Variants in SNCAIP observed in about 807,000 individuals in gnomAD.
SNCAIP encodes synphilin-1.
Under a neutral mutation model 86.7 loss-of-function variants are expected in SNCAIP, and 43 were observed. The ratio of observed to expected loss-of-function variants is 0.50; its 90% CI spans 0.39 to 0.64. SNCAIP has a LOEUF of 0.64. Among genes scored for constraint, SNCAIP ranks in the 30% least tolerant of loss-of-function variants. SNCAIP has a pLI of 0.00. For synonymous variants in SNCAIP, 417 were observed against 427.2 expected (o/e 0.98, Z 0.29); for missense variants, 981 against 1,103.1 (o/e 0.89, Z 1.57).
In SNCAIP at chr5:122,451,264, G is replaced by A. The variant is rs140850272; in HGVS notation, c.2417G>A (p.Arg806His). ...KSALKSPSSKRRTSQNLKLRV... is the reference protein window; with the variant it reads ...KSALKSPSSKHRTSQNLKLRV... Reference sequence around the variant, plus strand: ...GCCCTCAAGTCTCCATCTTCCAAGCGTAGGACATCTCAGAACTTAAAACTG... The same window carrying A: ...GCCCTCAAGTCTCCATCTTCCAAGCATAGGACATCTCAGAACTTAAAACTG... The change falls in exon 10 of 11, where the codon CGT (arginine) becomes CAT (histidine). Residue 806 changes from arginine to histidine, a missense_variant. Coordinates refer to ENST00000261368, the MANE Select transcript of SNCAIP (RefSeq NM_005460.4). The A allele has an allele frequency of 0.013, 20,795 of 1,614,088 alleles. 158 individuals carry two copies. The highest frequency in any genetic ancestry group is 0.015 in the Non-Finnish European group (18,171 of 1,179,988).
chr5:122,411,825 C>T (rs951659673), intron 3 of SNCAIP, among the ~76,000 whole-genome samples: 1 of 152,174 alleles, frequency 6.6e-6, no homozygotes, highest in South Asian at 2.1e-4. Context: ...CGTTTATGCA[C>T]ATTCAAGTTT....
chr5:122,326,272 T>C (rs1203164010), intron 1 of SNCAIP, among the ~76,000 whole-genome samples: 1 of 152,204 alleles, frequency 6.6e-6, no homozygotes, highest in Non-Finnish European at 1.5e-5. Context: ...AGTAGGTTTT[T>C]CTACTCATAC....
chr5:122,351,033 G>A (rs1228860528), intron 1 of SNCAIP, among the ~76,000 whole-genome samples: 1 of 152,132 alleles, frequency 6.6e-6, no homozygotes, highest in Non-Finnish European at 1.5e-5. Flanking sequence ...CAATTACTAT[G>A]ACCCAGATCT....
chr5:122,323,875 C>CA (rs1261189161), intron 1 of SNCAIP, among the ~76,000 whole-genome samples: 1 of 152,178 alleles, frequency 6.6e-6, no homozygotes, highest in Admixed American at 6.5e-5. Context: ...CTCCCCCCTC[C>CA]AATCCCCTCC....
intron 6 of SNCAIP, chr5:122,436,866 A>G (rs1252393934): frequency 1.3e-5 from 2 of 152,186 alleles, no homozygotes; most frequent in African/African-American, 4.8e-5. Flanking sequence ...TACAACATTA[A>G]AACAGGTTAC....
At chr5:122,333,168 G>A (rs1022478650) in intron 1 of SNCAIP, among the ~76,000 whole-genome samples, 3 of 152,208 alleles carry the variant, frequency 2.0e-5, no homozygotes, top group Admixed American at 2.0e-4. Context: ...ATTGTAAAAT[G>A]AGCTTCCCAG....
At chr5:122,324,306 G>C (rs551282743) in intron 1 of SNCAIP, among the ~76,000 whole-genome samples, 1 of 152,184 alleles carries the variant, frequency 6.6e-6, no homozygotes, top group Non-Finnish European at 1.5e-5. Flanking sequence ...AATTAGGGAA[G>C]GGTCCTGCTG....
intron 1 of SNCAIP, among the ~76,000 whole-genome samples, chr5:122,390,832 A>C (rs1469857732): frequency 3.3e-5 from 5 of 152,136 alleles, no homozygotes; most frequent in African/African-American, 1.2e-4. Flanking sequence ...TGCTCTGGCA[A>C]AGACAAACAG....
At position 122,463,539 on chromosome 5, in the gene SNCAIP, C is replaced by T. The variant is rs1347491610; in HGVS notation, c.*43C>T. On this transcript the variant is annotated 3_prime_UTR_variant, in exon 11 of 11. Coordinates refer to ENST00000261368, the MANE Select transcript of SNCAIP (RefSeq NM_005460.4). ...TGAAGAAATCCTACAGCATAAAGCA[C>T]ATTGCTGAGCCAGAGTCAAAAGAAC... The T allele has an allele frequency of 2.5e-6, 4 of 1,606,916 alleles. No homozygotes were observed. Among genetic ancestry groups the T allele is most frequent in the Admixed American group, 1.7e-5 (1 of 59,796 alleles).
At chr5:122,363,889 C>T (rs909030787) in intron 1 of SNCAIP, among the ~76,000 whole-genome samples, 8 of 151,822 alleles carry the variant, frequency 5.3e-5, no homozygotes, top group Non-Finnish European at 1.2e-4. Flanking sequence ...GTTATGCAAT[C>T]GTAGTTCACT....
intron 1 of SNCAIP, among the ~76,000 whole-genome samples, chr5:122,370,512 C>T (rs1764074097): frequency 6.6e-6 from 1 of 152,114 alleles, no homozygotes; most frequent in Admixed American, 6.6e-5. Flanking sequence ...GAATCCAGGC[C>T]ATGCTGAGCA....
intron 1 of SNCAIP, among the ~76,000 whole-genome samples, chr5:122,352,259 A>C (rs1760021490): frequency 6.6e-6 from 1 of 152,146 alleles, no homozygotes; most frequent in Non-Finnish European, 1.5e-5. Context: ...ATTTGTTACA[A>C]AGTTTCCCGT....
rs186105478 is a variant in SNCAIP at position 122,380,148 on chromosome 5, C to T, written c.-46-10941C>T. On this transcript the variant is annotated intron_variant, in intron 1 of 10. Transcript: ENST00000261368. ...GCCTCCTTGTACCTCTGGTAGAATTCGGCTGTGAATCCATCTGGTCCTGTA... is the reference window on the plus strand; with the variant it reads ...GCCTCCTTGTACCTCTGGTAGAATTTGGCTGTGAATCCATCTGGTCCTGTA... Among the ~76,000 whole-genome samples the T allele has an allele frequency of 1.8e-3, 280 of 152,182 alleles. 3 individuals are homozygous for T. Among genetic ancestry groups the T allele is most frequent in the African/African-American group, 6.4e-3 (266 of 41,514 alleles).
At chr5:122,388,399 A>T (rs1373697245) in intron 1 of SNCAIP, among the ~76,000 whole-genome samples, 1 of 152,154 alleles carries the variant, frequency 6.6e-6, no homozygotes, top group African/African-American at 2.4e-5. Flanking sequence ...GTCTGAAAGA[A>T]GGCTTATTGG....
At chr5:122,374,452 A>G (rs1764881630) in intron 1 of SNCAIP, among the ~76,000 whole-genome samples, 1 of 152,176 alleles carries the variant, frequency 6.6e-6, no homozygotes, top group South Asian at 2.1e-4. Flanking sequence ...ACCACAGCCT[A>G]CAAATGTTAT....
chr5:122,450,451 G>A, intron 9 of SNCAIP, 82 bp from the exon 10 acceptor site: 1 of 909,784 alleles, frequency 1.1e-6, no homozygotes. Flanking sequence ...TACATTATTA[G>A]TGTCAGTAAA....
intron 10 of SNCAIP, among the ~76,000 whole-genome samples, chr5:122,459,887 C>T (rs1282212533): frequency 6.6e-6 from 1 of 152,058 alleles, no homozygotes; most frequent in African/African-American, 2.4e-5. Context: ...TTTGAATCGA[C>T]CATTCACTTT....
intron 1 of SNCAIP, among the ~76,000 whole-genome samples, chr5:122,338,627 T>G (rs1035663742): frequency 2.0e-5 from 3 of 152,206 alleles, no homozygotes; most frequent in Non-Finnish European, 2.9e-5. Context: ...AAATTAAGGA[T>G]GCCTTTAAGT....
chr5:122,440,412 A>C (rs1780603301), intron 6 of SNCAIP: 2 of 553,986 alleles, frequency 3.6e-6, no homozygotes, highest in East Asian at 6.4e-5. Flanking sequence ...CTTCCAAGGG[A>C]GCTTCCTGCT....
Sources: gnomAD v4.1 joint callset for allele counts (sites outside exome capture counted in the v4.1 genomes callset) on GRCh38, gnomAD v4.1.1 for gene constraint, MANE v1.5 for transcripts, NCBI Gene and HGNC (gene_info 2026-07-23, HGNC 2026-07-21) for gene names.